Variants in CSNK1D observed in about 807,000 individuals in gnomAD.
The protein encoded by CSNK1D is casein kinase 1 delta.
CSNK1D carries 16 observed loss-of-function variants against 46.6 expected under a neutral mutation model. The ratio of observed to expected loss-of-function variants is 0.34; its 90% CI spans 0.23 to 0.52. The LOEUF is 0.52. CSNK1D is among the 20% of genes least tolerant of loss of function. The pLI is 0.95. For missense variants in CSNK1D, 398 were observed against 578.4 expected (o/e 0.69, Z 3.20); for synonymous variants, 276 against 228.2 (o/e 1.21, Z -1.89).
At chr17:82,260,097 A>ATGACTGATGGTGTACTGACTGATG (rs2051288390) in intron 2 of CSNK1D, among the ~76,000 whole-genome samples, 1 of 139,722 alleles carries the variant, frequency 7.2e-6, no homozygotes, top group Non-Finnish European at 1.5e-5. Context: ...ACTGACTGAT[A>ATGACTGATGGTGTACTGACTGATG]TGACTGATGG....
At chr17:82,266,223 T>C (rs954874779) in intron 1 of CSNK1D, among the ~76,000 whole-genome samples, 1 of 152,184 alleles carries the variant, frequency 6.6e-6, no homozygotes, top group Admixed American at 6.5e-5. Context: ...TGGTTTGAGT[T>C]TCCCCCTGAG....
chr17:82,252,896 G>C lies in CSNK1D; in HGVS notation c.565+120C>G, dbSNP rs1048328176. On this transcript the variant is annotated intron_variant, in intron 4 of 8. Coordinates refer to ENST00000314028, the MANE Select transcript of CSNK1D (RefSeq NM_001893.6). The surrounding 1 kb of genome is among the most constrained non-coding windows in gnomAD (Gnocchi z 4.6). ...GCAGTCACGAGCCAGCCTGTCTGCC[G>C]CAAAGGTCTGATGACACGCTTGCAG... is the stretch of plus-strand genomic sequence containing the variant. 7.4e-5 allele frequency: 71 copies of C among 958,920 alleles called. No homozygotes were observed. In the African/African-American group the frequency reaches 9.9e-4, roughly 13 times the overall value. The allele number at this position is 958,920 out of a possible 1,614,324, so 59.4% of individuals were successfully genotyped here.
At chr17:82,245,032 A>G (rs553167221) in intron 8 of CSNK1D, 19 of 690,100 alleles carry the variant, frequency 2.8e-5, no homozygotes, top group East Asian at 2.4e-4. Context: ...GGAAGACGGG[A>G]AGGAGGAAGA....
rs1326012394 is a variant in CSNK1D, at chr17:82,252,190, G to C, written c.736+244C>G. ...GGGCCCTGAGGCTCGGGCCTGCCTT[G>C]CCTGCCATCTCTCCAGGGCCTCCAA... On this transcript the variant is annotated intron_variant, in intron 5 of 8. Coordinates refer to ENST00000314028, the MANE Select transcript of CSNK1D (RefSeq NM_001893.6). The surrounding 1 kb of genome is among the most constrained non-coding windows in gnomAD (Gnocchi z 4.6). 6.6e-6 allele frequency among the ~76,000 whole-genome samples: 1 copy of C among 152,192 alleles called. No homozygotes were observed. Among genetic ancestry groups the C allele is most frequent in the Admixed American group, 6.5e-5 (1 of 15,290 alleles).
At position 82,252,463 on chromosome 17, in the gene CSNK1D, G is replaced by A; in HGVS notation, c.707C>T (p.Pro236Leu). 3 of 1,614,076 alleles carry A rather than the reference G, an allele frequency of 1.9e-6. No individual in the cohort carries two copies. Among genetic ancestry groups the A allele is most frequent in the Non-Finnish European group, 1.7e-6 (2 of 1,180,002 alleles). ...ERISEKKMST[P>L]IEVLCKGYPS... The stretch of plus-strand genomic sequence containing the variant: ...GTAGCCTTTACACAACACTTCGATG[G>A]GGGTGGACATTTTCTTCTCGCTAAT... The change falls in exon 5 of 9, where the codon CCC becomes CTC. Residue 236 changes from proline to leucine, a missense_variant. Around this residue, in one of 2 missense-constraint regions of CSNK1D, gnomAD observed 217 missense variants for 370.3 expected, o/e 0.59. Coordinates refer to ENST00000314028, the MANE Select transcript of CSNK1D (RefSeq NM_001893.6). The surrounding 1 kb of genome is among the most constrained non-coding windows in gnomAD (Gnocchi z 4.6).
intron 2 of CSNK1D, among the ~76,000 whole-genome samples, chr17:82,262,949 G>T (rs956931769): frequency 2.0e-5 from 3 of 152,224 alleles, no homozygotes; most frequent in Non-Finnish European, 4.4e-5. Flanking sequence ...GGAGGCCAAG[G>T]TGGGCAGATC....
rs955646124 is a variant in CSNK1D, at chr17:82,244,772, G to A, written c.*9C>T. 21 of 1,613,908 alleles carry A rather than the reference G, an allele frequency of 1.3e-5. No individual in the cohort carries two copies. The Admixed American group carries it at 3.3e-4, about 26-fold the overall frequency. On this transcript the variant is annotated 3_prime_UTR_variant, in exon 9 of 9. Transcript: ENST00000314028. Reference sequence around the variant, plus strand: ...CATTGTCTGCCCTTCACAGCAATAAGGAGAGTTCTCATCGGTGCACGACAG... The same window carrying A: ...CATTGTCTGCCCTTCACAGCAATAAAGAGAGTTCTCATCGGTGCACGACAG...
intron 2 of CSNK1D, among the ~76,000 whole-genome samples, chr17:82,256,349 A>C (rs894405177): frequency 2.6e-5 from 4 of 152,110 alleles, no homozygotes; most frequent in South Asian, 2.1e-4. Context: ...TTGTCTCTAC[A>C]AAAAATTCTG....
chr17:82,244,621 T>G lies in CSNK1D; in HGVS notation c.*160A>C. The G allele has an allele frequency of 6.5e-7, 1 of 1,533,878 alleles. No homozygotes were observed. Among genetic ancestry groups the G allele is most frequent in the Non-Finnish European group, 8.7e-7 (1 of 1,144,960 alleles). The stretch of plus-strand genomic sequence containing the variant: ...TGGCAGCTCTTGGAGTCTGTCCGTT[T>G]AGTATGTTTCCCCCACGAGCGTCGC... On this transcript the variant is annotated 3_prime_UTR_variant, in exon 9 of 9. Transcript: ENST00000314028.
intron 8 of CSNK1D, chr17:82,246,384 AG>A: frequency 8.0e-7 from 1 of 1,256,102 alleles, no homozygotes; most frequent in Non-Finnish European, 1.0e-6. Context: ...GCCTGAAGGC[AG>A]GGGAGACGCA....
chr17:82,244,403 G>A lies in CSNK1D; in HGVS notation c.*378C>T. On this transcript the variant is annotated 3_prime_UTR_variant, in exon 9 of 9. Coordinates refer to ENST00000314028, the MANE Select transcript of CSNK1D (RefSeq NM_001893.6). ...TTAAGCCAATAATTTTTAGCAAAAT[G>A]ATACAAAACTGTCTTAACCAAGTAG... is the stretch of plus-strand genomic sequence containing the variant. The A allele has an allele frequency of 8.6e-7, 1 of 1,166,724 alleles. No homozygotes were observed. Among genetic ancestry groups the A allele is most frequent in the Non-Finnish European group, 1.1e-6 (1 of 936,452 alleles). The allele number at this position is 1,166,724 out of a possible 1,614,324, so 72.3% of individuals were successfully genotyped here. A position where few individuals can be genotyped will look rare whatever the true frequency, so the allele number is the denominator to read the frequency against.
At chr17:82,263,717 A>T (rs1255163619) in intron 2 of CSNK1D, among the ~76,000 whole-genome samples, 1 of 152,054 alleles carries the variant, frequency 6.6e-6, no homozygotes, top group Non-Finnish European at 1.5e-5. Context: ...TCTCGTAAAA[A>T]CTTAAGGTGT....
At chr17:82,247,725 G>A (rs923955479) in intron 8 of CSNK1D, 21 of 985,292 alleles carry the variant, frequency 2.1e-5, no homozygotes, top group South Asian at 1.4e-4. Context: ...TTGTGTGCAC[G>A]TAAGGGACCC....
At chr17:82,241,352 C>T (rs940048596), downstream of CSNK1D, among the ~76,000 whole-genome samples, 3 of 152,188 alleles carry the variant, frequency 2.0e-5, no homozygotes, top group Admixed American at 6.5e-5. Flanking sequence ...GTGAAGCTCC[C>T]GGGAGGCGCT....
chr17:82,240,920 C>T (rs1046485861), downstream of CSNK1D, among the ~76,000 whole-genome samples: 1 of 152,122 alleles, frequency 6.6e-6, no homozygotes, highest in Non-Finnish European at 1.5e-5. Flanking sequence ...TGCTCTGACC[C>T]GACAGGCAGG....
In CSNK1D at chr17:82,243,536, T is replaced by C. The variant is rs527296869; in HGVS notation, c.*1245A>G. The C allele has an allele frequency of 4.1e-6, 4 of 985,460 alleles. No homozygotes were observed. The highest frequency in any genetic ancestry group is 4.8e-6 in the Non-Finnish European group (4 of 829,960). The allele number at this position is 985,460 out of a possible 1,614,324, so 61.0% of individuals were successfully genotyped here. On this transcript the variant is annotated 3_prime_UTR_variant, in exon 9 of 9. Coordinates refer to ENST00000314028, the MANE Select transcript of CSNK1D (RefSeq NM_001893.6). The stretch of plus-strand genomic sequence containing the variant: ...CTCGGCCCCACGCACGCTGCTTCAC[T>C]TCTGACCAACAGACACGCGCCCAAC...
At chr17:82,256,322 A>G (rs12601586) in intron 2 of CSNK1D, among the ~76,000 whole-genome samples, 29,094 of 152,038 alleles carry the variant, frequency 0.19, 3,772 homozygotes, top group South Asian at 0.42. Context: ...ACCAGCCTGG[A>G]TAACAAAGGG....
chr17:82,244,290 G>C lies in CSNK1D; in HGVS notation c.*491C>G. 1 of 1,104,782 alleles carries C rather than the reference G, an allele frequency of 9.1e-7. No individual in the cohort carries two copies. The highest frequency in any genetic ancestry group is 1.1e-6 in the Non-Finnish European group (1 of 898,750). The allele number at this position is 1,104,782 out of a possible 1,614,324, so 68.4% of individuals were successfully genotyped here. A position where few individuals can be genotyped will look rare whatever the true frequency, so the allele number is the denominator to read the frequency against. ...TCATACACTAACTCCAAGCCAGCCT[G>C]TCTCAGAATTCCTTAGTCAACATTT... is the stretch of plus-strand genomic sequence containing the variant. On this transcript the variant is annotated 3_prime_UTR_variant, in exon 9 of 9. Coordinates refer to ENST00000314028, the MANE Select transcript of CSNK1D (RefSeq NM_001893.6).
rs904597870 is a variant in CSNK1D at position 82,250,158 on chromosome 17, G to C, written c.886-556C>G. 24 of 1,290,056 alleles carry C rather than the reference G, an allele frequency of 1.9e-5. No homozygotes were observed. The highest frequency in any genetic ancestry group is 2.4e-5 in the Non-Finnish European group (24 of 989,110). 79.9% of individuals were successfully genotyped at this position (1,290,056 alleles called of 1,614,324 possible). A position where few individuals can be genotyped will look rare whatever the true frequency, so the allele number is the denominator to read the frequency against. On this transcript the variant is annotated intron_variant, in intron 6 of 8. Coordinates refer to ENST00000314028, the MANE Select transcript of CSNK1D (RefSeq NM_001893.6). This position sits in a 1 kb window ranked among gnomAD's most constrained non-coding sequence, Gnocchi z 4.6. The stretch of plus-strand genomic sequence containing the variant: ...CAGATGCACGGGGGTGGGGAGGTCA[G>C]ATTTTAAGCCGAGACAGCAACCTAT...
Sources: allele counts gnomAD v4.1 joint callset (sites outside exome capture counted in the v4.1 genomes callset), GRCh38; gene constraint gnomAD v4.1.1; regional missense constraint gnomAD v4.1.1; non-coding constraint Gnocchi (gnomAD v3.1); transcripts MANE v1.5; gene names NCBI Gene and HGNC (gene_info 2026-07-23, HGNC 2026-07-21).